The following SMYD5 variants were observed in gnomAD, a reference collection of about 807,000 sequenced individuals.
SMYD5 encodes the protein SMYD family member 5.
Under a neutral mutation model 57.4 loss-of-function variants are expected in SMYD5, and 35 were observed. That is an observed-to-expected ratio of 0.61 (90% CI 0.47 to 0.81). The LOEUF (loss-of-function observed/expected upper bound fraction) is 0.81, where lower values mean the gene tolerates loss of function less well. SMYD5 is among the 30% of genes least tolerant of loss of function. SMYD5 has a pLI of 0.00. For missense variants in SMYD5, 471 were observed against 527.9 expected, an observed-to-expected ratio of 0.89 and a Z score of 1.06; for synonymous variants, 198 against 189.7, an observed-to-expected ratio of 1.04 and a Z score of -0.36.
chr2:73,221,655 G>C (rs1200917253), intron 5 of SMYD5, among the ~76,000 whole-genome samples, 171 bp from the exon 6 acceptor site: 1 of 152,008 alleles, frequency 6.6e-6, no homozygotes, highest in African/African-American at 2.4e-5. Flanking sequence ...TGTTGAATTG[G>C]CTATCTTGGC....
At chr2:73,220,592 A>G in intron 3 of SMYD5, 69 bp from the exon 4 acceptor site, 1 of 1,573,642 alleles carries the variant, frequency 6.4e-7, no homozygotes, top group Non-Finnish European at 8.7e-7. Flanking sequence ...TATTTGTGGA[A>G]GGAATGCAGT....
chr2:73,216,314 G>A (rs1234421212), intron 1 of SMYD5, among the ~76,000 whole-genome samples: 5 of 152,130 alleles, frequency 3.3e-5, no homozygotes, highest in African/African-American at 9.7e-5. Context: ...CAGCGCTTTC[G>A]GAGGCCAAGG....
At chr2:73,221,656 C>T (rs1433201267) in intron 5 of SMYD5, among the ~76,000 whole-genome samples, 170 bp from the exon 6 acceptor site, 1 of 152,060 alleles carries the variant, frequency 6.6e-6, no homozygotes, top group African/African-American at 2.4e-5. Flanking sequence ...GTTGAATTGG[C>T]TATCTTGGCT....
At chr2:73,222,654 C>A in intron 6 of SMYD5, 101 bp from the exon 7 acceptor site, 2 of 895,394 alleles carry the variant, frequency 2.2e-6, no homozygotes, top group Non-Finnish European at 3.6e-6. Flanking sequence ...GTCTACAGAG[C>A]TGGCCCTTTT....
At chr2:73,219,507 G>A (rs910011316) in intron 2 of SMYD5, among the ~76,000 whole-genome samples, 2 of 152,072 alleles carry the variant, frequency 1.3e-5, no homozygotes, top group African/African-American at 2.4e-5. Context: ...TCAGCCTCCC[G>A]AGTAGCTGGG....
At chr2:73,224,056 G>C (rs558672705) in intron 10 of SMYD5, 53 bp downstream of exon 10, 56 of 1,556,162 alleles carry the variant, frequency 3.6e-5, no homozygotes, top group Admixed American at 2.5e-4. Context: ...CCTTTGCCAG[G>C]TGGCCTTGCA....
Position 73,220,774 on chromosome 2 carries a change from G to A in SMYD5, c.459G>A (p.Glu153=), listed in dbSNP as rs773916806. The A allele has an allele frequency of 1.9e-6, 3 of 1,613,928 alleles. No homozygotes were observed. Among genetic ancestry groups the A allele is most frequent in the Admixed American group, 1.7e-5 (1 of 60,008 alleles). ...DPLHPLNKLQ[E]AWRSIHYPPE... is the part of the protein sequence containing the mutation. The stretch of plus-strand genomic sequence containing the variant: ...TGCATCCTCTCAATAAGCTTCAGGA[G>A]GCATGGAGGTAGGTTTCTTTTCCTC... The change falls in exon 4 of 13, where the codon GAG becomes GAA. Residue 153 remains glutamate (E), a synonymous_variant. Transcript: ENST00000389501.
intron 3 of SMYD5, 118 bp downstream of exon 3, chr2:73,220,308 T>C (rs1039880687): frequency 1.8e-6 from 2 of 1,107,768 alleles, no homozygotes; most frequent in East Asian, 4.8e-5. Context: ...AAAACTACAA[T>C]GTAGGATAAG....
chr2:73,214,695 A>G, intron 1 of SMYD5: 2 of 1,396,218 alleles, frequency 1.4e-6, no homozygotes, highest in African/African-American at 1.4e-5. Flanking sequence ...TGCCGGGCAG[A>G]GAGAACTGAG....
At chr2:73,224,273 G>C (rs1686458786) in intron 10 of SMYD5, among the ~76,000 whole-genome samples, 1 of 152,208 alleles carries the variant, frequency 6.6e-6, no homozygotes, top group South Asian at 2.1e-4. Flanking sequence ...GGCAGGCATA[G>C]AGCTCTGATT....
At chr2:73,219,519 T>C (rs562333412) in intron 2 of SMYD5, among the ~76,000 whole-genome samples, 3 of 152,172 alleles carry the variant, frequency 2.0e-5, no homozygotes, top group Non-Finnish European at 4.4e-5. Context: ...GTAGCTGGGA[T>C]TACAGGCACA....
At chr2:73,219,341 T>G (rs1006558772) in intron 2 of SMYD5, among the ~76,000 whole-genome samples, 7 of 152,150 alleles carry the variant, frequency 4.6e-5, no homozygotes, top group African/African-American at 1.7e-4. Context: ...ACGATGCCCT[T>G]AGCTTTGCTG....
At chr2:73,219,850 G>C in intron 2 of SMYD5, 1 of 694,082 alleles carries the variant, frequency 1.4e-6, no homozygotes, top group Non-Finnish European at 2.6e-6. Context: ...GGGAGGAGGG[G>C]ATCATCTGCC....
Position 73,218,905 on chromosome 2 carries a change from C to G in SMYD5, c.141C>G (p.Thr47=). ...FATQLIRKGE[T]IFVERPLVAA... ...CACAGCTCATCCGGAAGGGGGAGAC[C>G]ATCTTCGTAGAACGGCCCCTGGTGG... Residue 47 remains threonine (T), a synonymous_variant, in exon 2 of 13, where the codon ACC becomes ACG. Coordinates refer to ENST00000389501, the MANE Select transcript of SMYD5 (RefSeq NM_006062.3). The G allele has an allele frequency of 6.2e-7, 1 of 1,614,200 alleles. No individual in the cohort carries two copies. The highest frequency in any genetic ancestry group is 8.5e-7 in the Non-Finnish European group (1 of 1,180,016).
intron 11 of SMYD5, 77 bp downstream of exon 11, chr2:73,225,037 T>A: frequency 1.9e-6 from 2 of 1,079,922 alleles, no homozygotes; most frequent in Non-Finnish European, 1.4e-6. Flanking sequence ...GGAGCAGCAG[T>A]GGCTAGAGCA....
chr2:73,214,460 C>T (rs539916054), intron 1 of SMYD5, 98 bp downstream of exon 1: 14 of 1,580,982 alleles, frequency 8.9e-6, no homozygotes, highest in African/African-American at 2.7e-5. Context: ...GCTTCTGTGC[C>T]GCTCGGACGC....
intron 5 of SMYD5, 40 bp downstream of exon 5, chr2:73,221,274 C>T (rs1686388195): frequency 6.6e-7 from 1 of 1,521,288 alleles, no homozygotes. Context: ...TGACTTTGGC[C>T]CCATTCAACC....
chr2:73,214,287 C>T lies in SMYD5; in HGVS notation c.21C>T (p.Asp7=), dbSNP rs764458711. MAASMC[D]VFSFCVGVAG... is the part of the protein sequence containing the mutation. ...CCAAGATGGCGGCCTCCATGTGCGA[C>T]GTGTTCTCCTTCTGCGTGGGCGTGG... The change falls in exon 1 of 13, where the codon GAC becomes GAT. Residue 7 remains aspartate, a synonymous_variant. Transcript: ENST00000389501. The T allele has an allele frequency of 3.7e-6, 6 of 1,613,754 alleles. No individual in the cohort carries two copies. The African/African-American group carries it at 5.3e-5, about 14-fold the overall frequency.
At chr2:73,223,359 T>G in intron 8 of SMYD5, 67 bp from the exon 9 acceptor site, 1 of 1,101,768 alleles carries the variant, frequency 9.1e-7, no homozygotes, top group Non-Finnish European at 1.4e-6. Flanking sequence ...TTAACTTACC[T>G]GGAGGTGGAG....
Sources: allele counts gnomAD v4.1 joint callset (sites outside exome capture counted in the v4.1 genomes callset), GRCh38; gene constraint gnomAD v4.1.1; transcripts MANE v1.5; gene names NCBI Gene and HGNC (gene_info 2026-07-23, HGNC 2026-07-21).